Variants in MAP7D1 observed in about 807,000 individuals in gnomAD.
MAP7D1 encodes the protein MAP7 domain-containing protein 1.
Under a neutral mutation model 97.5 loss-of-function variants are expected in MAP7D1, and 30 were observed. That is an observed-to-expected ratio of 0.31 (90% confidence interval 0.23 to 0.42). The LOEUF (loss-of-function observed/expected upper bound fraction) is 0.42. MAP7D1 is among the 10% of genes least tolerant of loss of function. The pLI is 1.00. For synonymous variants in MAP7D1, 536 were observed against 477.1 expected, an observed-to-expected ratio of 1.12 and a Z score of -1.61; for missense variants, 1,184 against 1,179.5, an observed-to-expected ratio of 1.00 and a Z score of -0.06.
chr1:36,161,137 G>T (rs1414039010), intron 1 of MAP7D1, among the ~76,000 whole-genome samples: 2 of 152,246 alleles, frequency 1.3e-5, no homozygotes, highest in Non-Finnish European at 2.9e-5. Context: ...TGTAGTCTCA[G>T]TCGGGTTCCC....
Position 36,176,735 on chromosome 1 carries a change from CGAGAAG to C in MAP7D1, c.1279_1284del (p.Glu427_Lys428del). The C allele has an allele frequency of 1.9e-6, 3 of 1,603,976 alleles. No homozygotes were observed. The highest frequency in any genetic ancestry group is 2.6e-6 in the Non-Finnish European group (3 of 1,175,806). On this transcript the variant is annotated inframe_deletion, in exon 8 of 17. Coordinates refer to ENST00000474796, the MANE Select transcript of MAP7D1 (RefSeq NM_001388490.1). This position sits in a 1 kb window ranked among gnomAD's most constrained non-coding sequence, Gnocchi z 6.1. ...AGAAGAAGGACAAGGAGCGGGAAAA[CGAGAAG>C]GAGAAGAGTGCCCTAGCCCGGGAGC...
intron 1 of MAP7D1, among the ~76,000 whole-genome samples, chr1:36,164,411 T>A (rs1440280866): frequency 1.3e-5 from 2 of 152,144 alleles, no homozygotes; most frequent in African/African-American, 2.4e-5. Context: ...CATGAAACCA[T>A]GACTATATAC....
chr1:36,172,396 G>T, intron 3 of MAP7D1, 68 bp from the exon 4 acceptor site: 1 of 1,356,818 alleles, frequency 7.4e-7, no homozygotes, highest in Non-Finnish European at 9.6e-7. Flanking sequence ...GCCACTTGGA[G>T]GAAATGTCCT....
At position 36,179,573 on chromosome 1, in the gene MAP7D1, C is replaced by T. The variant is rs1401987975; in HGVS notation, c.2227+16C>T. On this transcript the variant is annotated intron_variant, in intron 14 of 16. Transcript: ENST00000474796. ...TCCAGCCCAGGTAAAGCCCCCATTC[C>T]TCTCGCCTCCCTTCCCTTTGCCATC... 19 of 1,559,560 alleles carry T rather than the reference C, an allele frequency of 1.2e-5. No individual in the cohort carries two copies. Among genetic ancestry groups the T allele is most frequent in the Non-Finnish European group, 1.7e-5 (19 of 1,150,922 alleles).
chr1:36,177,861 C>T lies in MAP7D1; in HGVS notation c.1380-12C>T. The T allele has an allele frequency of 1.3e-6, 2 of 1,525,766 alleles. No homozygotes were observed. Among genetic ancestry groups the T allele is most frequent in the South Asian group, 1.3e-5 (1 of 77,078 alleles). 94.5% of individuals were successfully genotyped at this position (1,525,766 alleles called of 1,614,324 possible). ...GTGTCTCCTAACCCTTCCCTTTTCC[C>T]TTTTCTCTTAGCCCCAAATCCAAGG... On this transcript the variant is annotated splice_polypyrimidine_tract_variant and intron_variant, in intron 8 of 16. Coordinates refer to ENST00000474796, the MANE Select transcript of MAP7D1 (RefSeq NM_001388490.1).
rs1454477154 is a variant in MAP7D1, at chr1:36,176,611, C to T, written c.1233+30C>T. ...GTGGCTCTACTGGCTCGAGTGGCCGCGCAGGTGGGGACAGGCAGCCTGGAA... is the reference window on the plus strand; with the variant it reads ...GTGGCTCTACTGGCTCGAGTGGCCGTGCAGGTGGGGACAGGCAGCCTGGAA... On this transcript the variant is annotated intron_variant, in intron 7 of 16. Transcript: ENST00000474796. This position sits in a 1 kb window ranked among gnomAD's most constrained non-coding sequence, Gnocchi z 6.1. 7.8e-6 allele frequency: 12 copies of T among 1,547,270 alleles called. No individual in the cohort carries two copies. The highest frequency in any genetic ancestry group is 9.6e-6 in the Non-Finnish European group (11 of 1,144,776).
At chr1:36,157,675 C>A (rs1480570800) in intron 1 of MAP7D1, among the ~76,000 whole-genome samples, 1 of 152,230 alleles carries the variant, frequency 6.6e-6, no homozygotes, top group Non-Finnish European at 1.5e-5. Flanking sequence ...TGTCACCTCC[C>A]TGCCCCTTGG....
At chr1:36,158,610 G>A (rs1189823253) in intron 1 of MAP7D1, among the ~76,000 whole-genome samples, 1 of 152,174 alleles carries the variant, frequency 6.6e-6, no homozygotes, top group Admixed American at 6.5e-5. Context: ...TGGAAAATAG[G>A]GGCAGTGTTG....
intron 14 of MAP7D1, 47 bp downstream of exon 14, chr1:36,179,604 C>T: frequency 6.4e-7 from 1 of 1,552,120 alleles, no homozygotes; most frequent in Non-Finnish European, 8.7e-7. Flanking sequence ...CCATCCTCCT[C>T]CTCCTCCATC....
chr1:36,179,041 C>CGG lies in MAP7D1; in HGVS notation c.2130+19_2130+20dup. 1 of 443,612 alleles carries CGG rather than the reference C, an allele frequency of 2.3e-6. No individual in the cohort carries two copies. The highest frequency in any genetic ancestry group is 1.9e-5 in the South Asian group (1 of 52,350). 27.5% of individuals were successfully genotyped at this position (443,612 alleles called of 1,614,324 possible). A position where few individuals can be genotyped will look rare whatever the true frequency, so the allele number is the denominator to read the frequency against. ...GCGCAGAAAGGTGTGCGGACCTGGG[C>CGG]GGGGATTTGTGGGCGGGGCCTGGGC... is the stretch of plus-strand genomic sequence containing the variant. On this transcript the variant is annotated intron_variant, in intron 12 of 16. Transcript: ENST00000474796.
rs1248645475 is a variant in MAP7D1 at position 36,159,780 on chromosome 1, A to G, written c.46+3317A>G. Reference sequence around the variant, plus strand: ...TGGAAGGCTTCACGGAGGAGGCAGCATTTGAGGTGGATCTGAAAGGATGAG... The same window carrying G: ...TGGAAGGCTTCACGGAGGAGGCAGCGTTTGAGGTGGATCTGAAAGGATGAG... On this transcript the variant is annotated intron_variant, in intron 1 of 16. Transcript: ENST00000474796. The surrounding 1 kb of genome is among the most constrained non-coding windows in gnomAD (Gnocchi z 5.4). 2.0e-5 allele frequency among the ~76,000 whole-genome samples: 3 copies of G among 152,146 alleles called. No homozygotes were observed. The highest frequency in any genetic ancestry group is 7.2e-5 in the African/African-American group (3 of 41,434).
In MAP7D1 at chr1:36,176,204, A is replaced by G; in HGVS notation, c.856A>G (p.Ser286Gly). 6.2e-7 allele frequency: 1 copy of G among 1,606,684 alleles called. No individual in the cohort carries two copies. The highest frequency in any genetic ancestry group is 2.2e-5 in the East Asian group (1 of 44,588). The change falls in exon 7 of 17, where the codon AGC becomes GGC. Residue 286 changes from serine to glycine, a missense_variant. Physicochemically the swap from Ser to Gly is moderately conservative, Grantham distance 56. Coordinates refer to ENST00000474796, the MANE Select transcript of MAP7D1 (RefSeq NM_001388490.1). The surrounding 1 kb of genome is among the most constrained non-coding windows in gnomAD (Gnocchi z 6.1). ...TLWNSPSRNRSLQLSAWESSI... is the reference protein window; with the variant it reads ...TLWNSPSRNRGLQLSAWESSI... ...GCCTGGCCTTCTACCCCCAGATCGC[A>G]GCCTGCAGCTGAGCGCATGGGAGAG...
At chr1:36,171,954 A>AAAAAC in intron 3 of MAP7D1, 1 of 221,916 alleles carries the variant, frequency 4.5e-6, no homozygotes, top group South Asian at 6.2e-5. Flanking sequence ...AAAAAAAAAA[A>AAAAAC]AAAACCAACA....
In MAP7D1 at chr1:36,176,976, G is replaced by T; in HGVS notation, c.1379+134G>T. On this transcript the variant is annotated intron_variant, in intron 8 of 16. Transcript: ENST00000474796. This position sits in a 1 kb window ranked among gnomAD's most constrained non-coding sequence, Gnocchi z 6.1. Reference sequence around the variant, plus strand: ...ATTCTCTCTGTTTTGTTTGAGACAGGATCTCCCTCTGTCACCCAGGCTGGA... The same window carrying T: ...ATTCTCTCTGTTTTGTTTGAGACAGTATCTCCCTCTGTCACCCAGGCTGGA... 1 of 809,166 alleles carries T rather than the reference G, an allele frequency of 1.2e-6. No homozygotes were observed. Among genetic ancestry groups the T allele is most frequent in the Non-Finnish European group, 1.9e-6 (1 of 513,052 alleles). 50.1% of individuals were successfully genotyped at this position (809,166 alleles called of 1,614,324 possible). A position where few individuals can be genotyped will look rare whatever the true frequency, so the allele number is the denominator to read the frequency against.
intron 1 of MAP7D1, among the ~76,000 whole-genome samples, chr1:36,157,018 G>A (rs951508174): frequency 6.6e-6 from 1 of 152,354 alleles, no homozygotes; most frequent in Admixed American, 6.5e-5. Context: ...GCTGCGGGCC[G>A]GCGGGGAGGG....
chr1:36,168,112 T>A (rs1383481244), intron 1 of MAP7D1, among the ~76,000 whole-genome samples: 2 of 151,946 alleles, frequency 1.3e-5, no homozygotes, highest in Non-Finnish European at 2.9e-5. Context: ...CTGGCCAACA[T>A]GGTGAAACCC....
intron 1 of MAP7D1, among the ~76,000 whole-genome samples, chr1:36,166,389 CTTT>C (rs536815195): frequency 1.5e-5 from 2 of 132,246 alleles, no homozygotes; most frequent in Non-Finnish European, 3.3e-5. Flanking sequence ...GTGATCTGAC[CTTT>C]TTTTTTTTTT....
chr1:36,179,394 C>T (rs887400836), intron 13 of MAP7D1, 79 bp downstream of exon 13: 9 of 1,587,774 alleles, frequency 5.7e-6, no homozygotes, highest in Non-Finnish European at 6.9e-6. Flanking sequence ...CATCCATGGC[C>T]ACGGAGAGCG....
At chr1:36,161,749 T>C (rs1218390892) in intron 1 of MAP7D1, among the ~76,000 whole-genome samples, 3 of 152,138 alleles carry the variant, frequency 2.0e-5, no homozygotes, top group Non-Finnish European at 4.4e-5. Flanking sequence ...TGTGTGTGTC[T>C]CTGAGGCTTT....
Sources: gnomAD v4.1 joint callset for allele counts (sites outside exome capture counted in the v4.1 genomes callset) on GRCh38, gnomAD v4.1.1 for gene constraint, Gnocchi (gnomAD v3.1) non-coding constraint, MANE v1.5 for transcripts, NCBI Gene and HGNC (gene_info 2026-07-23, HGNC 2026-07-21) for gene names.